The following MAPRE2 variants were observed in gnomAD, a reference collection of about 807,000 sequenced individuals.
MAPRE2 encodes the protein microtubule-associated protein RP/EB family member 2.
In MAPRE2, 13 loss-of-function variants were observed where a neutral mutation model predicts 43.2. The observed-to-expected ratio is 0.30, with a 90% CI of 0.20 to 0.48. MAPRE2 has a LOEUF of 0.48. MAPRE2 is among the 20% of genes least tolerant of loss of function. The pLI, the probability that MAPRE2 is intolerant of heterozygous loss-of-function variation, is 0.99. For missense variants in MAPRE2, 161 were observed against 400.2 expected (o/e 0.40, Z 5.10); for synonymous variants, 135 against 148.8 (o/e 0.91, Z 0.68).
intron 4 of MAPRE2, among the ~76,000 whole-genome samples, chr18:35,108,549 T>G (rs1909017897): frequency 6.6e-6 from 1 of 152,238 alleles, no homozygotes; most frequent in South Asian, 2.1e-4. Flanking sequence ...ATCATCATAC[T>G]GTCCTCCACA....
At chr18:35,108,494 G>C (rs1047369359) in intron 4 of MAPRE2, among the ~76,000 whole-genome samples, 2 of 152,060 alleles carry the variant, frequency 1.3e-5, no homozygotes, top group Admixed American at 6.6e-5. Context: ...CTCAGTAATG[G>C]GATTGCTGGG....
At chr18:35,113,969 T>G (rs1026224364) in intron 4 of MAPRE2, among the ~76,000 whole-genome samples, 2 of 152,200 alleles carry the variant, frequency 1.3e-5, no homozygotes, top group Admixed American at 1.3e-4. Flanking sequence ...TCAGCTATTA[T>G]CCTAAGAACT....
At chr18:34,989,668 G>A (rs1342828670) in intron 1 of MAPRE2, among the ~76,000 whole-genome samples, 2 of 152,104 alleles carry the variant, frequency 1.3e-5, no homozygotes, top group African/African-American at 2.4e-5. Context: ...CTATGATCAC[G>A]CTACTGCACT....
At chr18:35,096,633 C>A (rs1908431937) in intron 2 of MAPRE2, among the ~76,000 whole-genome samples, 2 of 152,102 alleles carry the variant, frequency 1.3e-5, no homozygotes, top group Non-Finnish European at 1.5e-5. Context: ...CTTCATACTT[C>A]ATGTTAATAT....
intron 3 of MAPRE2, 104 bp downstream of exon 3, chr18:35,097,695 T>C (rs1569002494): frequency 2.0e-6 from 2 of 985,450 alleles, no homozygotes; most frequent in East Asian, 2.6e-5. Flanking sequence ...TATCTTGATA[T>C]CCCAACAGTA....
At chr18:34,982,457 T>C (rs1415198661) in intron 1 of MAPRE2, among the ~76,000 whole-genome samples, 1 of 152,132 alleles carries the variant, frequency 6.6e-6, no homozygotes, top group Non-Finnish European at 1.5e-5. Flanking sequence ...ATTCACCTAT[T>C]GGAGGCCACG....
intron 2 of MAPRE2, among the ~76,000 whole-genome samples, chr18:35,072,084 A>G (rs961677566): frequency 6.6e-6 from 1 of 152,252 alleles, no homozygotes; most frequent in Non-Finnish European, 1.5e-5. Flanking sequence ...ATTGCAGCTT[A>G]TGCAACTTCA....
intron 2 of MAPRE2, 56 bp downstream of exon 2, chr18:35,070,378 T>C (rs1907047040): frequency 7.1e-7 from 1 of 1,414,390 alleles, no homozygotes; most frequent in Admixed American, 2.4e-5. Context: ...TCATGTGGAA[T>C]GTGATTTTAT....
intron 2 of MAPRE2, among the ~76,000 whole-genome samples, chr18:35,032,595 G>A (rs1460302186): frequency 6.6e-6 from 1 of 152,048 alleles, no homozygotes; most frequent in African/African-American, 2.4e-5. Flanking sequence ...TATAAGCTAG[G>A]GACTCGAAAT....
In MAPRE2 at chr18:35,034,823, C is replaced by A. The variant is rs547879658; in HGVS notation, c.-8+29270C>A. 4.5e-3 allele frequency among the ~76,000 whole-genome samples: 679 copies of A among 152,308 alleles called. 4 individuals are homozygous for A. The highest frequency in any genetic ancestry group is 0.015 in the African/African-American group (641 of 41,560). The stretch of plus-strand genomic sequence containing the variant: ...AAAACCACAATGAGATACCATCTCA[C>A]GCCAGTTAGAATGGCAATCATTAAA... On this transcript the variant is annotated intron_variant, in intron 2 of 7. Transcript: ENST00000413393.
intron 1 of MAPRE2, among the ~76,000 whole-genome samples, chr18:35,047,113 G>T (rs1003105755): frequency 2.0e-5 from 3 of 152,218 alleles, no homozygotes; most frequent in Admixed American, 2.0e-4. Context: ...CTTGGTGGCA[G>T]ACTCCAGAGT....
chr18:35,124,754 A>G (rs1283863097), intron 4 of MAPRE2, among the ~76,000 whole-genome samples: 1 of 152,190 alleles, frequency 6.6e-6, no homozygotes, highest in African/African-American at 2.4e-5. Flanking sequence ...CTGTCTCCCC[A>G]GCTGTTAGGC....
At chr18:35,096,336 C>T (rs2144166115) in intron 2 of MAPRE2, among the ~76,000 whole-genome samples, 1 of 152,278 alleles carries the variant, frequency 6.6e-6, no homozygotes, top group South Asian at 2.1e-4. Context: ...TGTTCCTATT[C>T]TTGCCACTTG....
At position 35,097,330 on chromosome 18, in the gene MAPRE2, A is replaced by G. The variant is rs187735298; in HGVS notation, c.251-116A>G. 2.9e-5 allele frequency: 26 copies of G among 894,550 alleles called. No homozygotes were observed. In the African/African-American group the frequency reaches 3.8e-4, roughly 13 times the overall value. 55.4% of individuals were successfully genotyped at this position (894,550 alleles called of 1,614,324 possible). A position where few individuals can be genotyped will look rare whatever the true frequency, so the allele number is the denominator to read the frequency against. On this transcript the variant is annotated intron_variant, in intron 2 of 6. Coordinates refer to ENST00000300249, the MANE Select transcript of MAPRE2 (RefSeq NM_014268.4). The stretch of plus-strand genomic sequence containing the variant: ...ATAAGCGCATTGGTAAGAAGGACAC[A>G]CTCTGCTCTGAGTGATGATGGTGCC...
rs113877050 is a variant in MAPRE2, at chr18:35,044,840, C to G, written c.122+3179C>G. Reference sequence around the variant, plus strand: ...GGAGACATTACTGTTATAGCATTTGCACCATATTGTTCATAAGTATGTCAA... The same window carrying G: ...GGAGACATTACTGTTATAGCATTTGGACCATATTGTTCATAAGTATGTCAA... On this transcript the variant is annotated intron_variant, in intron 1 of 6. Coordinates refer to ENST00000300249, the MANE Select transcript of MAPRE2 (RefSeq NM_014268.4). Among the ~76,000 whole-genome samples the G allele has an allele frequency of 7.5e-4, 114 of 152,290 alleles. 1 individual carries two copies. The highest frequency in any genetic ancestry group is 2.5e-3 in the African/African-American group (102 of 41,560).
intron 4 of MAPRE2, among the ~76,000 whole-genome samples, chr18:35,113,977 A>G (rs938941235): frequency 3.3e-5 from 5 of 152,232 alleles, no homozygotes; most frequent in Admixed American, 3.3e-4. Flanking sequence ...TATCCTAAGA[A>G]CTTAATATGT....
At chr18:35,079,884 C>A (rs569982404) in intron 2 of MAPRE2, among the ~76,000 whole-genome samples, 1 of 152,214 alleles carries the variant, frequency 6.6e-6, no homozygotes, top group Admixed American at 6.5e-5. Context: ...TTGATCAAGG[C>A]AAAAAGAAGT....
At chr18:35,093,211 C>CAAAAAAAAAAAAAAAAAAAA (rs56833433) in intron 2 of MAPRE2, among the ~76,000 whole-genome samples, 1 of 52,272 alleles carries the variant, frequency 1.9e-5, no homozygotes, top group Non-Finnish European at 3.3e-5. Context: ...GACCCTGTCT[C>CAAAAAAAAAAAAAAAAAAAA]AAAAAAAAAA....
chr18:35,119,382 CTT>C (rs1396033391), intron 4 of MAPRE2, among the ~76,000 whole-genome samples: 1 of 152,218 alleles, frequency 6.6e-6, no homozygotes, highest in Non-Finnish European at 1.5e-5. Flanking sequence ...CTGCTTTTCT[CTT>C]GTTCATAGCA....
Sources: allele counts gnomAD v4.1 joint callset (sites outside exome capture counted in the v4.1 genomes callset), GRCh38; gene constraint gnomAD v4.1.1; transcripts MANE v1.5; gene names NCBI Gene and HGNC (gene_info 2026-07-23, HGNC 2026-07-21).